Variants in GFM2 observed in about 807,000 individuals in gnomAD.
The protein encoded by GFM2 is GTP dependent ribosome recycling factor mitochondrial 2, also known as ribosome-releasing factor 2, mitochondrial.
GFM2 carries 72 observed loss-of-function variants against 95.4 expected under a neutral mutation model. That is an observed-to-expected ratio of 0.76 (90% CI 0.62 to 0.92). The LOEUF is 0.92. Among genes scored for constraint, GFM2 ranks in the 40% least tolerant of loss-of-function variants. The pLI, the probability that GFM2 is intolerant of heterozygous loss-of-function variation, is 0.00. For missense variants in GFM2, 825 were observed against 924.1 expected (o/e 0.89, Z 1.39); for synonymous variants, 276 against 317.5 (o/e 0.87, Z 1.39).
At chr5:74,764,130 C>T (rs759822731) in intron 1 of GFM2, among the ~76,000 whole-genome samples, 9 of 152,138 alleles carry the variant, frequency 5.9e-5, no homozygotes, top group Non-Finnish European at 8.8e-5. Flanking sequence ...CACATATTAA[C>T]TTGGTAATTT....
chr5:74,744,867 ATATAT>A (rs1257676790), intron 10 of GFM2, among the ~76,000 whole-genome samples: 6 of 152,348 alleles, frequency 3.9e-5, no homozygotes, highest in African/African-American at 1.4e-4. Context: ...TGGTAAAATC[ATATAT>A]TATAACAATA....
intron 2 of GFM2, among the ~76,000 whole-genome samples, chr5:74,761,405 G>A (rs1744276736): frequency 6.6e-6 from 1 of 152,184 alleles, no homozygotes; most frequent in Non-Finnish European, 1.5e-5. Context: ...CTGAAAGTCA[G>A]AAGCTGAGTC....
At chr5:74,743,870 C>A (rs1743235337) in intron 10 of GFM2, among the ~76,000 whole-genome samples, 1 of 152,130 alleles carries the variant, frequency 6.6e-6, no homozygotes, top group Non-Finnish European at 1.5e-5. Context: ...TGCTGTTTCC[C>A]CATCTGTAAA....
chr5:74,744,379 T>C (rs1743275065), intron 10 of GFM2, among the ~76,000 whole-genome samples: 1 of 150,762 alleles, frequency 6.6e-6, no homozygotes, highest in Non-Finnish European at 1.5e-5. Context: ...AAAAACTATG[T>C]ACAAAAGATA....
intron 5 of GFM2, among the ~76,000 whole-genome samples, chr5:74,752,428 C>T (rs1743767530): frequency 6.6e-6 from 1 of 152,104 alleles, no homozygotes; most frequent in Admixed American, 6.6e-5. Context: ...TATACACACA[C>T]ATAGTCTAAA....
chr5:74,740,024 G>C lies in GFM2; in HGVS notation c.1044C>G (p.Tyr348Ter). 6.3e-7 allele frequency: 1 copy of C among 1,595,540 alleles called. No homozygotes were observed. The change falls in exon 12 of 21, where the codon TAC (tyrosine) becomes TAG (stop). Residue 348 changes from tyrosine (Y) to a stop codon, truncating the protein, a stop_gained. Transcript: ENST00000296805. LOFTEE classifies it high-confidence loss of function. ...IQPLLDAVTMYLPSPEERNYE... is the reference protein window; with the variant it reads ...IQPLLDAVTM ...AGTTACGCTCTTCAGGTGAAGGTAA[G>C]TACATAGTAACAGCATCTAACAAGG...
chr5:74,750,128 C>T (rs1743620132), intron 7 of GFM2, among the ~76,000 whole-genome samples: 1 of 152,210 alleles, frequency 6.6e-6, no homozygotes, highest in Non-Finnish European at 1.5e-5. Context: ...ACTTCCTATT[C>T]AAGCACATTT....
intron 11 of GFM2, among the ~76,000 whole-genome samples, chr5:74,741,289 C>T (rs377293513): frequency 6.6e-6 from 1 of 151,986 alleles, no homozygotes; most frequent in South Asian, 2.1e-4. Flanking sequence ...GATGCAGACT[C>T]AATAGAAGTT....
At chr5:74,762,538 A>C (rs1744335658) in intron 2 of GFM2, among the ~76,000 whole-genome samples, 1 of 152,206 alleles carries the variant, frequency 6.6e-6, no homozygotes, top group Admixed American at 6.5e-5. Context: ...CAACCTCAGC[A>C]TATGATTTGT....
intron 10 of GFM2, among the ~76,000 whole-genome samples, chr5:74,744,651 T>G (rs1466351606): frequency 6.6e-6 from 1 of 152,174 alleles, no homozygotes; most frequent in Non-Finnish European, 1.5e-5. Context: ...TTTAAAATTT[T>G]CTAAATAATT....
intron 11 of GFM2, among the ~76,000 whole-genome samples, chr5:74,740,809 G>A (rs1049395772): frequency 1.3e-5 from 2 of 152,106 alleles, no homozygotes; most frequent in Admixed American, 6.6e-5. Context: ...CTTATGAGTG[G>A]CTCAATAACA....
rs138769163 is a variant in GFM2, at chr5:74,724,154, G to C, written c.2028+1486C>G. ...GTAAGCCCCCATAAAGTTAATTCTT[G>C]TTCTCTGGCATAATCTTATTAAAAA... is the stretch of plus-strand genomic sequence containing the variant. On this transcript the variant is annotated intron_variant, in intron 19 of 20. Coordinates refer to ENST00000296805, the MANE Select transcript of GFM2 (RefSeq NM_032380.5). 3.3e-4 allele frequency among the ~76,000 whole-genome samples: 51 copies of C among 152,244 alleles called. 2 individuals carry two copies. In the South Asian group the frequency reaches 7.9e-3, roughly 23 times the overall value.
Position 74,763,686 on chromosome 5 carries a change from A to G in GFM2, c.57T>C (p.Tyr19=), listed in dbSNP as rs777978991. ...TTTTATAAGAAATGCTTACATTAAT[A>G]TACACACTGGGTATTGTCTGATGAC... ...AMSHQTIPSV[Y]INNICCYKIR... The change falls in exon 2 of 21, where the codon TAT becomes TAC. Residue 19 remains tyrosine, a synonymous_variant. Coordinates refer to ENST00000296805, the MANE Select transcript of GFM2 (RefSeq NM_032380.5). 32 of 1,571,928 alleles carry G rather than the reference A, an allele frequency of 2.0e-5. No homozygotes were observed. Among genetic ancestry groups the G allele is most frequent in the Non-Finnish European group, 2.8e-5 (32 of 1,142,508 alleles).
intron 17 of GFM2, among the ~76,000 whole-genome samples, chr5:74,729,108 G>C (rs1300151477): frequency 1.3e-5 from 2 of 151,948 alleles, no homozygotes; most frequent in African/African-American, 4.8e-5. Context: ...CTTTTTTCCA[G>C]GTTCCTTGGG....
intron 19 of GFM2, among the ~76,000 whole-genome samples, chr5:74,723,773 C>T (rs1013201417): frequency 6.6e-6 from 1 of 152,136 alleles, no homozygotes; most frequent in Non-Finnish European, 1.5e-5. Context: ...TGTCCCCCAC[C>T]ATGCTCACGT....
At chr5:74,757,943 G>C (rs1744084071) in intron 5 of GFM2, among the ~76,000 whole-genome samples, 1 of 151,882 alleles carries the variant, frequency 6.6e-6, no homozygotes, top group Non-Finnish European at 1.5e-5. Flanking sequence ...CGGGGAAAGG[G>C]GAAAATGGGA....
chr5:74,764,786 T>G (rs1456592345), intron 1 of GFM2, among the ~76,000 whole-genome samples: 1 of 138,874 alleles, frequency 7.2e-6, no homozygotes, highest in African/African-American at 2.8e-5. Context: ...TTGTTTTTTT[T>G]TTTTTTTTTT....
intron 14 of GFM2, among the ~76,000 whole-genome samples, chr5:74,737,722 T>C (rs1003560367): frequency 6.6e-6 from 1 of 152,156 alleles, no homozygotes; most frequent in Non-Finnish European, 1.5e-5. Context: ...TACATAAAGG[T>C]CAATGAGAAA....
chr5:74,760,843 G>C, intron 3 of GFM2, 59 bp downstream of exon 3: 1 of 1,072,906 alleles, frequency 9.3e-7, no homozygotes, highest in Non-Finnish European at 1.4e-6. Flanking sequence ...GCAAACAAGA[G>C]AGAGAAAAGA....
Sources: allele counts gnomAD v4.1 joint callset (sites outside exome capture counted in the v4.1 genomes callset), GRCh38; gene constraint gnomAD v4.1.1; transcripts MANE v1.5; gene names NCBI Gene and HGNC (gene_info 2026-07-23, HGNC 2026-07-21).